PLXNA4: variants seen among roughly 807,000 people sequenced by gnomAD.
PLXNA4 encodes the protein plexin-A4.
A neutral mutation model predicts 191.8 loss-of-function variants in PLXNA4; 44 were observed. That is an observed-to-expected ratio of 0.23 (90% CI 0.18 to 0.29). The LOEUF (loss-of-function observed/expected upper bound fraction) is 0.29, where lower values mean the gene tolerates loss of function less well. Ranked by LOEUF, PLXNA4 falls within the 10% of genes least tolerant of loss-of-function variation. The pLI is 1.00. For synonymous variants in PLXNA4, 1,082 were observed against 1,009.5 expected (o/e 1.07, Z -1.36); for missense variants, 1,800 against 2,488.8 (o/e 0.72, Z 5.89).
At chr7:132,621,739 C>T (rs1803272944) in intron 2 of PLXNA4, among the ~76,000 whole-genome samples, 1 of 152,208 alleles carries the variant, frequency 6.6e-6, no homozygotes, top group Admixed American at 6.5e-5. Context: ...CACCAATTTA[C>T]TCTCCCACAA....
chr7:132,172,757 G>GTATAATAATAATAA (rs1397812531), intron 21 of PLXNA4, among the ~76,000 whole-genome samples: 2 of 102,026 alleles, frequency 2.0e-5, no homozygotes, highest in African/African-American at 9.4e-5. Context: ...AAAACTTAAA[G>GTATAATAATAATAA]TATAATAATA....
chr7:132,543,684 A>G (rs1246033067), intron 1 of PLXNA4, among the ~76,000 whole-genome samples: 1 of 152,236 alleles, frequency 6.6e-6, no homozygotes, highest in Non-Finnish European at 1.5e-5. Flanking sequence ...CAAAACATGG[A>G]TAAACTTGAA....
At chr7:132,414,658 A>G (rs1794593163) in intron 3 of PLXNA4, among the ~76,000 whole-genome samples, 1 of 152,180 alleles carries the variant, frequency 6.6e-6, no homozygotes, top group African/African-American at 2.4e-5. Flanking sequence ...TCCACTGATT[A>G]TGAGGGTGGC....
chr7:132,156,664 C>T (rs1036924638), intron 25 of PLXNA4, among the ~76,000 whole-genome samples: 2 of 152,198 alleles, frequency 1.3e-5, no homozygotes, highest in Non-Finnish European at 2.9e-5. Flanking sequence ...TGAGTGAGTG[C>T]CAATGTGCTA....
rs546127971 is a variant in PLXNA4, at chr7:132,364,024, C to T, written c.1372-65802G>A. Reference sequence around the variant, plus strand: ...TGAATCCATCCCCTTTGCCACTCGTCTGGTGTGGTCCCTGGGCCAGGACCA... The same window carrying T: ...TGAATCCATCCCCTTTGCCACTCGTTTGGTGTGGTCCCTGGGCCAGGACCA... On this transcript the variant is annotated intron_variant, in intron 3 of 31. Coordinates refer to ENST00000321063, the MANE Select transcript of PLXNA4 (RefSeq NM_020911.2). 2.4e-3 allele frequency among the ~76,000 whole-genome samples: 368 copies of T among 152,386 alleles called. 1 individual carries two copies. The highest frequency in any genetic ancestry group is 8.4e-3 in the African/African-American group (351 of 41,594).
intron 2 of PLXNA4, among the ~76,000 whole-genome samples, chr7:132,612,578 C>G (rs1365197380): frequency 2.0e-5 from 3 of 149,594 alleles, no homozygotes; most frequent in Non-Finnish European, 4.4e-5. Context: ...GCAGGAGAAT[C>G]ACTTGAACTC....
intron 1 of PLXNA4, among the ~76,000 whole-genome samples, chr7:132,544,362 A>G (rs1309526205): frequency 6.6e-6 from 1 of 152,230 alleles, no homozygotes; most frequent in Non-Finnish European, 1.5e-5. Flanking sequence ...GTCAGAGAGC[A>G]ACCCATTTTG....
At chr7:132,351,263 G>T (rs190712822) in intron 3 of PLXNA4, among the ~76,000 whole-genome samples, 3 of 152,334 alleles carry the variant, frequency 2.0e-5, no homozygotes, top group Non-Finnish European at 4.4e-5. Context: ...AATTGCAAAA[G>T]CCATTGACTT....
intron 3 of PLXNA4, among the ~76,000 whole-genome samples, chr7:132,427,570 C>A (rs549145148): frequency 1.1e-4 from 17 of 152,312 alleles, no homozygotes; most frequent in Admixed American, 1.3e-4. Flanking sequence ...CTCCTCTAAG[C>A]GAGTAGTACA....
chr7:132,527,539 CAAAAAAAAAAA>C (rs34598256), intron 1 of PLXNA4, among the ~76,000 whole-genome samples: 1 of 59,716 alleles, frequency 1.7e-5, no homozygotes, highest in Non-Finnish European at 3.1e-5. Flanking sequence ...GAAACAGACT[CAAAAAAAAAAA>C]AAAAAAAAAA....
chr7:132,284,949 A>G lies in PLXNA4; in HGVS notation c.1503+13142T>C, dbSNP rs940510554. ...AGGCTAGTCTCAAACTCCTGACCTC[A>G]GATGATCTGCCCACCTCAGCCTCCC... On this transcript the variant is annotated intron_variant, in intron 4 of 31. Transcript: ENST00000321063. Among the ~76,000 whole-genome samples, 4 of 152,102 alleles carry G rather than the reference A, an allele frequency of 2.6e-5. No homozygotes were observed. In the East Asian group the frequency reaches 7.7e-4, roughly 29 times the overall value.
Position 132,414,764 on chromosome 7 carries a change from G to A in PLXNA4, c.1371+74528C>T, listed in dbSNP as rs116003479. 3.1e-3 allele frequency among the ~76,000 whole-genome samples: 473 copies of A among 152,232 alleles called. 2 individuals are homozygous for A. The highest frequency in any genetic ancestry group is 0.011 in the African/African-American group (444 of 41,548). ...ACAGAGACACTGGCAAGAGGCGTAC[G>A]TATCATGAGAGGCATAGGATGTGCT... is the stretch of plus-strand genomic sequence containing the variant. On this transcript the variant is annotated intron_variant, in intron 3 of 31. Transcript: ENST00000321063.
In PLXNA4 at chr7:132,322,184, C is replaced by CTGTCTTTTTTTTTTTTTT. The variant is rs376377991; in HGVS notation, c.1372-23963_1372-23962insAAAAAAAAAAAAAAGACA. On this transcript the variant is annotated intron_variant, in intron 3 of 31. Coordinates refer to ENST00000321063, the MANE Select transcript of PLXNA4 (RefSeq NM_020911.2). ...CTAGAGTTCAATTTCCCTAAAAGGGCTTTTTTTTTTTTTTTTTTAACAGAG... is the reference window on the plus strand; with the variant it reads ...CTAGAGTTCAATTTCCCTAAAAGGGCTGTCTTTTTTTTTTTTTTTTTTTTTTTTTTTTTTTTAACAGAG... Among the ~76,000 whole-genome samples the CTGTCTTTTTTTTTTTTTT allele has an allele frequency of 2.3e-3, 283 of 122,476 alleles. 14 individuals carry two copies. The highest frequency in any genetic ancestry group is 8.2e-3 in the African/African-American group (273 of 33,316). The allele number at this position is 122,476 out of a possible 152,430, so 80.3% of individuals were successfully genotyped here. A position where few individuals can be genotyped will look rare whatever the true frequency, so the allele number is the denominator to read the frequency against.
At chr7:132,545,705 A>T (rs913409925) in intron 1 of PLXNA4, among the ~76,000 whole-genome samples, 2 of 152,220 alleles carry the variant, frequency 1.3e-5, no homozygotes, top group Non-Finnish European at 2.9e-5. Context: ...AGGAAAAGAA[A>T]AAAAAAATGA....
In PLXNA4 at chr7:132,508,698, G is replaced by A. The variant is rs1798587394; in HGVS notation, c.-5C>T. 6 of 1,499,918 alleles carry A rather than the reference G, an allele frequency of 4.0e-6. No homozygotes were observed. In the East Asian group the frequency reaches 7.3e-5, roughly 18 times the overall value. The allele number at this position is 1,499,918 out of a possible 1,614,324, so 92.9% of individuals were successfully genotyped here. ...GTTCCAGGGCATGGCTTTCATGGCAGAGGCGGGTCCCAGTGGCACAGCAGC... is the reference window on the plus strand; with the variant it reads ...GTTCCAGGGCATGGCTTTCATGGCAAAGGCGGGTCCCAGTGGCACAGCAGC... On this transcript the variant is annotated 5_prime_UTR_variant, in exon 2 of 32. Transcript: ENST00000321063. The surrounding 1 kb of genome is among the most constrained non-coding windows in gnomAD (Gnocchi z 4.4).
chr7:132,264,119 A>G (rs1479063819), intron 4 of PLXNA4: 1 of 152,244 alleles, frequency 6.6e-6, no homozygotes, highest in Admixed American at 6.5e-5. Flanking sequence ...CAAGAACGTT[A>G]TAAAAAAGAA....
chr7:132,400,023 G>A (rs944102040), intron 3 of PLXNA4, among the ~76,000 whole-genome samples: 2 of 152,002 alleles, frequency 1.3e-5, no homozygotes, highest in African/African-American at 4.8e-5. Flanking sequence ...TTTGTAAGTT[G>A]GAATAAATCA....
At chr7:132,468,520 G>T (rs1042105495) in intron 3 of PLXNA4, among the ~76,000 whole-genome samples, 2 of 152,194 alleles carry the variant, frequency 1.3e-5, no homozygotes, top group African/African-American at 4.8e-5. Flanking sequence ...TGAAAAACTA[G>T]AACAGGCAGT....
intron 1 of PLXNA4, among the ~76,000 whole-genome samples, chr7:132,535,251 G>A (rs1160653047): frequency 6.6e-6 from 1 of 152,218 alleles, no homozygotes; most frequent in Non-Finnish European, 1.5e-5. Flanking sequence ...CCCAATGAGC[G>A]CTGATTTACT....
Sources: allele counts gnomAD v4.1 joint callset (sites outside exome capture counted in the v4.1 genomes callset), GRCh38; gene constraint gnomAD v4.1.1; non-coding constraint Gnocchi (gnomAD v3.1); transcripts MANE v1.5; gene names NCBI Gene and HGNC (gene_info 2026-07-23, HGNC 2026-07-21).